Variants in RSRC1 observed in about 807,000 individuals in gnomAD.
RSRC1 encodes the protein serine/Arginine-related protein 53.
In RSRC1, 39 loss-of-function variants were observed where a neutral mutation model predicts 49.1. The observed-to-expected ratio is 0.79, with a 90% CI of 0.61 to 1.04. The LOEUF is 1.04. Among genes scored for constraint, RSRC1 ranks in the 50% least tolerant of loss-of-function variants. The pLI is 0.00. For synonymous variants in RSRC1, 143 were observed against 130.8 expected, an observed-to-expected ratio of 1.09 and a Z score of -0.63; for missense variants, 388 against 402.4, an observed-to-expected ratio of 0.96 and a Z score of 0.31.
chr3:158,381,613 A>C (rs1464870316), intron 6 of RSRC1, among the ~76,000 whole-genome samples: 1 of 152,210 alleles, frequency 6.6e-6, no homozygotes, highest in Non-Finnish European at 1.5e-5. Context: ...TAGGTGGTAT[A>C]ACCTACTACA....
At chr3:158,134,364 A>G (rs1578119218) in intron 3 of RSRC1, among the ~76,000 whole-genome samples, 1 of 152,192 alleles carries the variant, frequency 6.6e-6, no homozygotes, top group Non-Finnish European at 1.5e-5. Context: ...GATTATTTCA[A>G]AGATCATCTA....
intron 5 of RSRC1, among the ~76,000 whole-genome samples, chr3:158,310,217 T>A (rs1331209885): frequency 1.3e-5 from 2 of 151,620 alleles, no homozygotes; most frequent in Non-Finnish European, 3.0e-5. Context: ...CTTAGAAAAA[T>A]TTAGCATATT....
intron 7 of RSRC1, among the ~76,000 whole-genome samples, chr3:158,470,349 CACACACACACACAT>C (rs939686746): frequency 9.3e-5 from 11 of 118,214 alleles, no homozygotes; most frequent in Admixed American, 8.7e-4. Context: ...CACACACACA[CACACACACACACAT>C]ATATATATAT....
intron 7 of RSRC1, chr3:158,469,326 T>C (rs1362850060): frequency 4.5e-6 from 2 of 444,082 alleles, no homozygotes; most frequent in Admixed American, 2.5e-5. Flanking sequence ...TAAAGTCTAC[T>C]ACATCTTCTA....
At chr3:158,167,848 T>C (rs910110735) in intron 3 of RSRC1, among the ~76,000 whole-genome samples, 11 of 152,268 alleles carry the variant, frequency 7.2e-5, no homozygotes, top group Admixed American at 3.3e-4. Flanking sequence ...GCCATGCACA[T>C]TGGGGCTTGG....
At chr3:158,367,209 G>C (rs572626167) in intron 6 of RSRC1, among the ~76,000 whole-genome samples, 7 of 152,050 alleles carry the variant, frequency 4.6e-5, no homozygotes, top group Non-Finnish European at 1.0e-4. Flanking sequence ...TCCTTGTCTC[G>C]TGCCGGTTTT....
At chr3:158,445,742 C>T (rs865879218) in intron 6 of RSRC1, among the ~76,000 whole-genome samples, 1 of 151,940 alleles carries the variant, frequency 6.6e-6, no homozygotes, top group Middle Eastern at 3.2e-3. Flanking sequence ...TTTAATAAAG[C>T]AAATCTAAAC....
Position 158,240,313 on chromosome 3 carries a change from A to G in RSRC1, c.494+37068A>G, listed in dbSNP as rs535593144. ...TTTCCTACTAATAAAGTTTTCTTCA[A>G]TTCTTAGTTGGGGAAGGATTTTTTA... On this transcript the variant is annotated intron_variant, in intron 4 of 9. Coordinates refer to ENST00000611884, the MANE Select transcript of RSRC1 (RefSeq NM_001271838.2). 6.6e-5 allele frequency among the ~76,000 whole-genome samples: 10 copies of G among 152,148 alleles called. No homozygotes were observed. The South Asian group carries it at 1.7e-3, about 25-fold the overall frequency.
intron 5 of RSRC1, among the ~76,000 whole-genome samples, chr3:158,308,586 TC>T (rs1245528902): frequency 1.3e-5 from 2 of 151,818 alleles, no homozygotes; most frequent in African/African-American, 4.8e-5. Flanking sequence ...GCTTTCTGAG[TC>T]AAAAAACTAA....
At chr3:158,309,446 ATAAT>A (rs915777762) in intron 5 of RSRC1, among the ~76,000 whole-genome samples, 2 of 151,872 alleles carry the variant, frequency 1.3e-5, no homozygotes, top group African/African-American at 2.4e-5. Context: ...TATGATAAAA[ATAAT>A]TCTAGCATTT....
At chr3:158,543,139 T>C (rs1403028600) in intron 8 of RSRC1, among the ~76,000 whole-genome samples, 196 bp from the exon 9 acceptor site, 1 of 152,092 alleles carries the variant, frequency 6.6e-6, no homozygotes, top group Non-Finnish European at 1.5e-5. Flanking sequence ...AATATAGTTA[T>C]TCCTAAACAA....
intron 4 of RSRC1, among the ~76,000 whole-genome samples, chr3:158,258,830 A>T (rs1433649735): frequency 6.6e-6 from 1 of 152,050 alleles, no homozygotes; most frequent in Non-Finnish European, 1.5e-5. Context: ...GGTTCTGCTA[A>T]GAGACTCTGG....
chr3:158,451,687 T>C (rs1489292888), intron 6 of RSRC1, among the ~76,000 whole-genome samples: 1 of 152,044 alleles, frequency 6.6e-6, no homozygotes, highest in Non-Finnish European at 1.5e-5. Flanking sequence ...TCAGACACTT[T>C]CTTAACTGGA....
intron 5 of RSRC1, among the ~76,000 whole-genome samples, chr3:158,344,062 A>G (rs193110373): frequency 2.0e-4 from 30 of 152,142 alleles, no homozygotes; most frequent in Admixed American, 1.9e-3. Flanking sequence ...AGATCACTTG[A>G]GGTCAGGCCA....
In RSRC1 at chr3:158,409,202, A is replaced by G. The variant is rs576977654; in HGVS notation, c.584-51733A>G. ...AATGGATACTAGGCTTAATAGGTGG[A>G]TGGTGAAATAATCTATACAGTAAAC... is the stretch of plus-strand genomic sequence containing the variant. On this transcript the variant is annotated intron_variant, in intron 6 of 9. Coordinates refer to ENST00000611884, the MANE Select transcript of RSRC1 (RefSeq NM_001271838.2). 5.3e-5 allele frequency among the ~76,000 whole-genome samples: 8 copies of G among 152,184 alleles called. No homozygotes were observed. In the South Asian group the frequency reaches 1.5e-3, roughly 28 times the overall value.
At chr3:158,180,828 G>C (rs1719565901) in intron 3 of RSRC1, among the ~76,000 whole-genome samples, 1 of 118,014 alleles carries the variant, frequency 8.5e-6, no homozygotes, top group Non-Finnish European at 1.7e-5. Context: ...TTTTTGAGAT[G>C]GAGTCTCGCG....
intron 6 of RSRC1, among the ~76,000 whole-genome samples, chr3:158,419,060 A>G (rs1373530114): frequency 3.9e-5 from 6 of 152,000 alleles, no homozygotes; most frequent in African/African-American, 1.4e-4. Context: ...GTACCTCCCG[A>G]TGGAATTAGC....
chr3:158,119,078 A>G (rs1018868918), intron 1 of RSRC1, among the ~76,000 whole-genome samples: 5 of 152,182 alleles, frequency 3.3e-5, no homozygotes, highest in African/African-American at 9.7e-5. Flanking sequence ...CCCAAAATAA[A>G]CGTTCTCTCC....
At chr3:158,482,603 A>G (rs1310562823) in intron 7 of RSRC1, among the ~76,000 whole-genome samples, 2 of 151,998 alleles carry the variant, frequency 1.3e-5, no homozygotes, top group Non-Finnish European at 2.9e-5. Context: ...TTGTAATCTC[A>G]CTGCTCTTTA....
Sources: allele counts gnomAD v4.1 joint callset (sites outside exome capture counted in the v4.1 genomes callset), GRCh38; gene constraint gnomAD v4.1.1; transcripts MANE v1.5; gene names NCBI Gene and HGNC (gene_info 2026-07-23, HGNC 2026-07-21).